Variants in SIN3A observed in about 807,000 individuals in gnomAD.
SIN3A encodes paired amphipathic helix protein Sin3a.
Under a neutral mutation model 146.1 loss-of-function variants are expected in SIN3A, and 14 were observed. The ratio of observed to expected loss-of-function variants is 0.10; its 90% CI spans 0.06 to 0.15. The LOEUF is 0.15. Ranked by LOEUF, SIN3A falls within the 10% of genes least tolerant of loss-of-function variation. The pLI, the probability that SIN3A is intolerant of heterozygous loss-of-function variation, is 1.00. For synonymous variants in SIN3A, 572 were observed against 572.0 expected, an observed-to-expected ratio of 1.00 and a Z score of 0.00; for missense variants, 1,028 against 1,576.0, an observed-to-expected ratio of 0.65 and a Z score of 5.89.
intron 1 of SIN3A, among the ~76,000 whole-genome samples, chr15:75,451,097 G>A (rs1018529848): frequency 1.9e-4 from 29 of 151,084 alleles, no homozygotes; most frequent in Non-Finnish European, 3.4e-4. Context: ...GGAGGGGAGG[G>A]GGTGGTCGGC....
chr15:75,423,849 A>T (rs1488455947), intron 2 of SIN3A, among the ~76,000 whole-genome samples: 1 of 152,030 alleles, frequency 6.6e-6, no homozygotes, highest in African/African-American at 2.4e-5. Context: ...CAAAAAAAAT[A>T]GCTGGACGTG....
intron 17 of SIN3A, among the ~76,000 whole-genome samples, chr15:75,382,405 T>G (rs1192578107): frequency 6.6e-6 from 1 of 152,172 alleles, no homozygotes; most frequent in Non-Finnish European, 1.5e-5. Flanking sequence ...AATTTATAAT[T>G]TAAGAATTGC....
At chr15:75,420,198 T>C (rs1438763723) in intron 3 of SIN3A, 3 of 152,158 alleles carry the variant, frequency 2.0e-5, no homozygotes, top group Non-Finnish European at 4.4e-5. Flanking sequence ...ACTGTAAAGA[T>C]AACCTGCTAA....
intron 2 of SIN3A, among the ~76,000 whole-genome samples, chr15:75,427,956 A>G (rs2073954607): frequency 6.6e-6 from 1 of 152,104 alleles, no homozygotes; most frequent in South Asian, 2.1e-4. Flanking sequence ...GGGTGATAAG[A>G]GCGAAACTCC....
At chr15:75,381,818 GAA>G (rs1409085496) in intron 17 of SIN3A, 113 bp from the exon 18 acceptor site, 11 of 848,346 alleles carry the variant, frequency 1.3e-5, no homozygotes, top group African/African-American at 1.0e-4. Flanking sequence ...TGCTCCAACT[GAA>G]GAGATGAGGA....
In SIN3A at chr15:75,411,733, A is replaced by G; in HGVS notation, c.767T>C (p.Leu256Pro). The change falls in exon 6 of 21, where the codon CTG (leucine) becomes CCG (proline). Residue 256 changes from leucine (L) to proline (P), a missense_variant. Transcript: ENST00000394947. ...PPAKVSKPSQ[L>P]QAHTPASQQT... ...CTGACTGGCCGGAGTATGTGCTTGC[A>G]GTTGGGAGGGCTAGAAAGAAAAGAA... 6.3e-7 allele frequency: 1 copy of G among 1,595,376 alleles called. No homozygotes were observed. Among genetic ancestry groups the G allele is most frequent in the East Asian group, 2.2e-5 (1 of 44,612 alleles).
upstream of SIN3A, among the ~76,000 whole-genome samples, chr15:75,451,921 C>A (rs368631866): frequency 1.3e-5 from 2 of 151,966 alleles, no homozygotes; most frequent in East Asian, 2.0e-4. Flanking sequence ...CTATTGGAGA[C>A]GGACTGCTGA....
rs199692910 is a variant in SIN3A, at chr15:75,410,302, T to A, written c.1009-16A>T. 4.4e-6 allele frequency: 7 copies of A among 1,608,728 alleles called. No homozygotes were observed. In the African/African-American group the frequency reaches 9.4e-5, roughly 22 times the overall value. On this transcript the variant is annotated splice_polypyrimidine_tract_variant and intron_variant, in intron 6 of 20. Transcript: ENST00000394947. ...TCTGCTCTTTCTGAGGAATTGCAAA[T>A]GAAAAGAGATCATTTGGGCTACTGT... is the stretch of plus-strand genomic sequence containing the variant.
At chr15:75,419,276 C>G (rs2073799870) in intron 3 of SIN3A, 1 of 152,032 alleles carries the variant, frequency 6.6e-6, no homozygotes, top group Non-Finnish European at 1.5e-5. Context: ...TCATTAATGA[C>G]CAACTTAAGT....
At position 75,411,657 on chromosome 15, in the gene SIN3A, C is replaced by T. The variant is rs765920177; in HGVS notation, c.843G>A (p.Gln281=). The T allele has an allele frequency of 2.5e-5, 41 of 1,614,116 alleles. No homozygotes were observed. In the South Asian group the frequency reaches 4.1e-4, roughly 16 times the overall value. The change falls in exon 6 of 21, where the codon CAG becomes CAA. Residue 281 remains glutamine, a synonymous_variant. Coordinates refer to ENST00000394947, the MANE Select transcript of SIN3A (RefSeq NM_001145358.2). ...ACGAGATTGTCACTGGTGTGTGAGG[C>T]TGGACCGGCGGAGAACGTGGGGATG... The part of the protein sequence containing the change: ...PYASPRSPPV[Q]PHTPVTISLG...
chr15:75,434,350 T>TA (rs1422447331), intron 1 of SIN3A, among the ~76,000 whole-genome samples: 1 of 152,082 alleles, frequency 6.6e-6, no homozygotes, highest in Admixed American at 6.6e-5. Flanking sequence ...TCACTAGTAA[T>TA]AAAAAACGTG....
chr15:75,410,205 G>C lies in SIN3A; in HGVS notation c.1090C>G (p.Arg364Gly). The change falls in exon 7 of 21, where the codon CGT (arginine) becomes GGT (glycine). Residue 364 changes from arginine (R) to glycine (G), a missense_variant. Around this residue, in one of 9 missense-constraint regions of SIN3A, gnomAD observed 40 missense variants for 74.0 expected, o/e 0.54. Transcript: ENST00000394947. ...AAATCTTCCTGGTTTTTAAAGAGACGAGCAACCTGGGCATACACCTCCTGC... is the reference window on the plus strand; with the variant it reads ...AAATCTTCCTGGTTTTTAAAGAGACCAGCAACCTGGGCATACACCTCCTGC... ...TEQEVYAQVA[R>G]LFKNQEDLLS... 1 of 1,613,984 alleles carries C rather than the reference G, an allele frequency of 6.2e-7. No homozygotes were observed. Among genetic ancestry groups the C allele is most frequent in the Non-Finnish European group, 8.5e-7 (1 of 1,179,964 alleles).
At position 75,392,585 on chromosome 15, in the gene SIN3A, TTCCTCC is replaced by T; in HGVS notation, c.2502_2507del (p.Glu840_Glu841del). The T allele has an allele frequency of 6.2e-7, 1 of 1,614,158 alleles. No homozygotes were observed. Among genetic ancestry groups the T allele is most frequent in the Non-Finnish European group, 8.5e-7 (1 of 1,180,024 alleles). On this transcript the variant is annotated inframe_deletion, in exon 15 of 21. Coordinates refer to ENST00000394947, the MANE Select transcript of SIN3A (RefSeq NM_001145358.2). ...CTACATCCATCTCTTCTTCTTCCTCTTCCTCCACATCTGAGAGATCACCTCTTTGGG... is the reference window on the plus strand; with the variant it reads ...CTACATCCATCTCTTCTTCTTCCTCTACATCTGAGAGATCACCTCTTTGGG...
chr15:75,420,970 C>T (rs2073831864), intron 3 of SIN3A: 1 of 152,156 alleles, frequency 6.6e-6, no homozygotes, highest in South Asian at 2.1e-4. Flanking sequence ...TGTTTCCTTG[C>T]CAGTTTCCAT....
intron 2 of SIN3A, among the ~76,000 whole-genome samples, chr15:75,427,297 T>TCC (rs1339438821): frequency 6.6e-6 from 1 of 151,788 alleles, no homozygotes; most frequent in Admixed American, 6.6e-5. Context: ...CACTTGAACC[T>TCC]GGAAGCCAGA....
At chr15:75,410,371 C>T in intron 6 of SIN3A, 85 bp from the exon 7 acceptor site, 1 of 1,303,126 alleles carries the variant, frequency 7.7e-7, no homozygotes, top group Admixed American at 2.1e-5. Flanking sequence ...TCACTGTTAT[C>T]TATTTAGGCT....
At chr15:75,426,715 A>C (rs570466956) in intron 2 of SIN3A, among the ~76,000 whole-genome samples, 4 of 152,244 alleles carry the variant, frequency 2.6e-5, no homozygotes, top group African/African-American at 9.6e-5. Flanking sequence ...AGATCACTTG[A>C]GTCCAAGAGT....
chr15:75,427,552 C>T (rs912616311), intron 2 of SIN3A, among the ~76,000 whole-genome samples: 2 of 151,782 alleles, frequency 1.3e-5, no homozygotes, highest in African/African-American at 4.8e-5. Context: ...CCCAGCTACT[C>T]GGGAGGCTGA....
At chr15:75,433,520 A>C (rs1422659406) in intron 1 of SIN3A, among the ~76,000 whole-genome samples, 2 of 152,150 alleles carry the variant, frequency 1.3e-5, no homozygotes, top group Non-Finnish European at 2.9e-5. Context: ...AACACTACAG[A>C]GGCTGAACTT....
Sources: allele counts gnomAD v4.1 joint callset (sites outside exome capture counted in the v4.1 genomes callset), GRCh38; gene constraint gnomAD v4.1.1; regional missense constraint gnomAD v4.1.1; transcripts MANE v1.5; gene names NCBI Gene and HGNC (gene_info 2026-07-23, HGNC 2026-07-21).